Variants in CLVS1 observed in about 807,000 individuals in gnomAD.
CLVS1 encodes clavesin-1.
In CLVS1, 10 loss-of-function variants were observed where a neutral mutation model predicts 33.1. That is an observed-to-expected ratio of 0.30 (90% CI 0.19 to 0.51). The LOEUF (loss-of-function observed/expected upper bound fraction) is 0.51, where lower values mean the gene tolerates loss of function less well. Ranked by LOEUF, CLVS1 falls within the 20% of genes least tolerant of loss-of-function variation. The pLI is 0.97. For synonymous variants in CLVS1, 163 were observed against 166.1 expected, an observed-to-expected ratio of 0.98 and a Z score of 0.14; for missense variants, 343 against 433.4, an observed-to-expected ratio of 0.79 and a Z score of 1.85.
chr8:61,419,564 T>A (rs1023208656), intron 3 of CLVS1, among the ~76,000 whole-genome samples: 1 of 152,176 alleles, frequency 6.6e-6, no homozygotes, highest in Non-Finnish European at 1.5e-5. Context: ...CCTGTACTTG[T>A]TTCACCAGCC....
chr8:61,443,827 T>C (rs1816657040), intron 3 of CLVS1, among the ~76,000 whole-genome samples: 1 of 152,230 alleles, frequency 6.6e-6, no homozygotes, highest in African/African-American at 2.4e-5. Context: ...GTTTACCAAT[T>C]TGAGGGGAAT....
At chr8:61,335,207 G>A (rs748569005) in intron 2 of CLVS1, among the ~76,000 whole-genome samples, 2 of 152,194 alleles carry the variant, frequency 1.3e-5, no homozygotes, top group Non-Finnish European at 2.9e-5. Context: ...GTAGCCTCCA[G>A]CTGCATGACT....
intron 2 of CLVS1, among the ~76,000 whole-genome samples, chr8:61,226,875 A>G (rs764824815): frequency 6.6e-6 from 1 of 152,206 alleles, no homozygotes; most frequent in Non-Finnish European, 1.5e-5. Context: ...AGCTGCAGTA[A>G]TGACAGTCTC....
At chr8:61,390,348 G>A (rs1029897247) in intron 3 of CLVS1, among the ~76,000 whole-genome samples, 1 of 152,192 alleles carries the variant, frequency 6.6e-6, no homozygotes, top group Non-Finnish European at 1.5e-5. Context: ...ACTGTTGAAT[G>A]TTTAGATTGT....
At chr8:61,434,227 G>A (rs973706875) in intron 3 of CLVS1, among the ~76,000 whole-genome samples, 2 of 152,194 alleles carry the variant, frequency 1.3e-5, no homozygotes, top group Non-Finnish European at 2.9e-5. Flanking sequence ...GTGCAGGAAG[G>A]TAAAGAAACC....
intron 2 of CLVS1, among the ~76,000 whole-genome samples, chr8:61,170,019 G>A (rs1806960092): frequency 6.6e-6 from 1 of 152,012 alleles, no homozygotes. Context: ...TATATAATAA[G>A]CTGCACACAT....
chr8:61,454,955 T>C (rs1323404090), intron 4 of CLVS1, among the ~76,000 whole-genome samples: 1 of 152,214 alleles, frequency 6.6e-6, no homozygotes, highest in Admixed American at 6.5e-5. Context: ...AATGAAAACA[T>C]GTATCATGAT....
intron 3 of CLVS1, among the ~76,000 whole-genome samples, chr8:61,417,031 A>G (rs74687109): frequency 0.018 from 2,675 of 152,222 alleles, 37 homozygotes; most frequent in Non-Finnish European, 0.029. Flanking sequence ...CAGTGGTGAC[A>G]CAGGAATGGA....
intron 2 of CLVS1, chr8:61,202,891 A>AAGG: frequency 2.1e-6 from 2 of 948,004 alleles, no homozygotes; most frequent in Non-Finnish European, 3.4e-6. Context: ...TGATGATTTT[A>AAGG]ATGAGGAAGC....
intron 1 of CLVS1, among the ~76,000 whole-genome samples, chr8:61,108,485 T>C (rs1805576287): frequency 6.6e-6 from 1 of 152,186 alleles, no homozygotes; most frequent in Non-Finnish European, 1.5e-5. Flanking sequence ...TTCACTCTTT[T>C]TCTATATGTA....
Position 61,402,641 on chromosome 8 carries a change from T to G in CLVS1, c.630+25862T>G, listed in dbSNP as rs147248006. ...GGAGTGACTCGTTTGTTAACAATTA[T>G]TGTGTGCTAACAATATTCTAGGTAC... On this transcript the variant is annotated intron_variant, in intron 3 of 5. Transcript: ENST00000325897. Among the ~76,000 whole-genome samples, 348 of 152,322 alleles carry G rather than the reference T, an allele frequency of 2.3e-3. 3 individuals are homozygous for G. The highest frequency in any genetic ancestry group is 8.1e-3 in the African/African-American group (338 of 41,568).
chr8:61,349,334 A>G (rs540811660), intron 2 of CLVS1, among the ~76,000 whole-genome samples: 2 of 152,210 alleles, frequency 1.3e-5, no homozygotes, highest in African/African-American at 4.8e-5. Context: ...TGTAGTTGTC[A>G]ATTAAAAAAT....
the CLVS1 span, among the ~76,000 whole-genome samples, chr8:60,986,079 A>G: frequency 7.9e-5 from 12 of 152,234 alleles, no homozygotes; most frequent in African/African-American, 2.9e-4. Flanking sequence ...GTGTGCAGTC[A>G]TAAAGGTTAT....
intron 2 of CLVS1, among the ~76,000 whole-genome samples, chr8:61,317,633 T>C (rs1244876977): frequency 6.6e-6 from 1 of 152,216 alleles, no homozygotes; most frequent in Non-Finnish European, 1.5e-5. Context: ...TGAACAAGTA[T>C]TACTTTTTTC....
At chr8:61,045,058 G>A in the CLVS1 span, among the ~76,000 whole-genome samples, 4 of 152,224 alleles carry the variant, frequency 2.6e-5, no homozygotes, top group Non-Finnish European at 5.9e-5. Context: ...GGGCTCATGA[G>A]TGGAGCCATC....
intron 2 of CLVS1, among the ~76,000 whole-genome samples, chr8:61,166,139 T>A (rs901835483): frequency 4.0e-5 from 6 of 151,840 alleles, no homozygotes; most frequent in African/African-American, 1.2e-4. Flanking sequence ...TTTATTTTTT[T>A]TTTTTTGAGA....
rs1433338193 is a variant in CLVS1 at position 61,232,027 on chromosome 8, T to G, written c.-151-67650T>G. On this transcript the variant is annotated intron_variant, in intron 2 of 2. Transcript: ENST00000522621. ...GGAGCCCTGAGGAAAGTTGTGGTTT[T>G]TTTTTTTTTTTTTTTTTTTTTTTGT... 3.8e-4 allele frequency among the ~76,000 whole-genome samples: 43 copies of G among 113,174 alleles called. 2 individuals carry two copies. The highest frequency in any genetic ancestry group is 1.0e-3 in the African/African-American group (24 of 23,892). The allele number at this position is 113,174 out of a possible 152,430, so 74.2% of individuals were successfully genotyped here. A position where few individuals can be genotyped will look rare whatever the true frequency, so the allele number is the denominator to read the frequency against.
At chr8:61,018,298 A>G in the CLVS1 span, among the ~76,000 whole-genome samples, 2 of 152,092 alleles carry the variant, frequency 1.3e-5, no homozygotes, top group African/African-American at 2.4e-5. Context: ...ACTGTCGCTT[A>G]TAATTTAATG....
intron 2 of CLVS1, among the ~76,000 whole-genome samples, chr8:61,331,809 TC>T (rs1249369606): frequency 6.7e-6 from 1 of 149,566 alleles, no homozygotes; most frequent in Non-Finnish European, 1.5e-5. Flanking sequence ...CTTCTTCTCC[TC>T]CTCCTCCTCC....
Sources: allele counts gnomAD v4.1 joint callset (sites outside exome capture counted in the v4.1 genomes callset), GRCh38; gene constraint gnomAD v4.1.1; transcripts MANE v1.5; gene names NCBI Gene and HGNC (gene_info 2026-07-23, HGNC 2026-07-21).